The following OTOG variants were observed in gnomAD, a reference collection of about 807,000 sequenced individuals.
OTOG encodes the protein otogelin.
A neutral mutation model predicts 313.8 loss-of-function variants in OTOG; 296 were observed. That is an observed-to-expected ratio of 0.94 (90% CI 0.86 to 1.04). OTOG has a LOEUF of 1.04. OTOG is among the 50% of genes least tolerant of loss of function. The pLI, the probability that OTOG is intolerant of heterozygous loss-of-function variation, is 0.00. For synonymous variants in OTOG, 1,533 were observed against 1,554.9 expected, an observed-to-expected ratio of 0.99 and a Z score of 0.33; for missense variants, 3,948 against 3,840.1, an observed-to-expected ratio of 1.03 and a Z score of -0.74.
In OTOG at chr11:17,558,374, C is replaced by T. The variant is rs528321128; in HGVS notation, c.996+59C>T. The T allele has an allele frequency of 6.6e-5, 101 of 1,540,412 alleles. 1 individual carries two copies. The Middle Eastern group carries it at 8.4e-4, about 13-fold the overall frequency. On this transcript the variant is annotated intron_variant, in intron 9 of 55. Coordinates refer to ENST00000399397, the MANE Select transcript of OTOG (RefSeq NM_001292063.2). ...GAGCCTGACTTGCTATCCAACTCTT[C>T]GAAAGCCACTGGCTGTGGCACCCCA...
chr11:17,570,146 G>A (rs1342311774), intron 16 of OTOG, 67 bp from the exon 17 acceptor site: 42 of 1,334,180 alleles, frequency 3.1e-5, no homozygotes, highest in Admixed American at 1.0e-4. Flanking sequence ...GGCCAGGCAG[G>A]TGGTGGTGGT....
In OTOG at chr11:17,612,623, G is replaced by A. The variant is rs757628662; in HGVS notation, c.6296G>A (p.Arg2099Gln). ...RCCPLWECAC[R>Q]CSIFPDLSFV... ...TTGTGCCCTGCCCCTCCCCCAGGCCGGTGCTCAATCTTCCCTGACCTGAGC... is the reference window on the plus strand; with the variant it reads ...TTGTGCCCTGCCCCTCCCCCAGGCCAGTGCTCAATCTTCCCTGACCTGAGC... The change falls in exon 38 of 56, where the codon CGG becomes CAG. Residue 2099 changes from arginine to glutamine, a missense_variant. Coordinates refer to ENST00000399397, the MANE Select transcript of OTOG (RefSeq NM_001292063.2). 249 of 1,549,776 alleles carry A rather than the reference G, an allele frequency of 1.6e-4. No homozygotes were observed. The highest frequency in any genetic ancestry group is 1.9e-4 in the Non-Finnish European group (222 of 1,146,604).
intron 40 of OTOG, 37 bp downstream of exon 40, chr11:17,629,353 C>A: frequency 6.6e-7 from 1 of 1,520,852 alleles, no homozygotes; most frequent in South Asian, 1.2e-5. Context: ...GGGGATGCTT[C>A]CCAGGTCCAC....
In OTOG at chr11:17,574,857, T is replaced by A; in HGVS notation, c.2431T>A (p.Cys811Ser). ...DLSRDECVEG[C>S]ACPPDTYLDT... ...GAGCAGAGACGAGTGTGTGGAGGGC[T>A]GTGCCTGCCCACCGGACACCTATCT... The change falls in exon 20 of 56, where the codon TGT (cysteine) becomes AGT (serine). Residue 811 changes from cysteine (C) to serine (S), a missense_variant. Physicochemically the swap from Cys to Ser is moderately radical, Grantham distance 112. Coordinates refer to ENST00000399397, the MANE Select transcript of OTOG (RefSeq NM_001292063.2). 6.5e-7 allele frequency: 1 copy of A among 1,546,668 alleles called. No homozygotes were observed.
chr11:17,635,186 C>T lies in OTOG; in HGVS notation c.7692C>T (p.Cys2564=), dbSNP rs767320590. 15 of 1,540,352 alleles carry T rather than the reference C, an allele frequency of 9.7e-6. No individual in the cohort carries two copies. Among genetic ancestry groups the T allele is most frequent in the South Asian group, 1.2e-5 (1 of 83,894 alleles). The change falls in exon 46 of 56, where the codon TGC becomes TGT. Residue 2564 remains cysteine (C), a splice_region_variant and synonymous_variant. Transcript: ENST00000399397. The part of the protein sequence containing the change: ...LGDSCCTSYF[C]ACGDCPDSIP... ...ACTCCTGCTGCACCTCCTACTTCTG[C>T]GGTGGGTCGCCGCCACCAGACGCCA...
chr11:17,630,239 C>T (rs562864853), intron 40 of OTOG, among the ~76,000 whole-genome samples: 2 of 152,254 alleles, frequency 1.3e-5, no homozygotes, highest in South Asian at 4.2e-4. Flanking sequence ...ACACACATGC[C>T]ACCATCCCCA....
chr11:17,603,744 T>C (rs1030711759), intron 32 of OTOG, among the ~76,000 whole-genome samples: 1 of 151,930 alleles, frequency 6.6e-6, no homozygotes, highest in Non-Finnish European at 1.5e-5. Flanking sequence ...ATGGGAAAGA[T>C]GGTTATGCGA....
chr11:17,593,578 G>T (rs1476786546), intron 26 of OTOG, 32 bp from the exon 27 acceptor site: 1 of 1,543,430 alleles, frequency 6.5e-7, no homozygotes, highest in Non-Finnish European at 8.8e-7. Context: ...GGGGGCACTT[G>T]GGCTCAGGAC....
intron 23 of OTOG, among the ~76,000 whole-genome samples, chr11:17,582,429 G>T (rs1399439478): frequency 6.6e-6 from 1 of 152,186 alleles, no homozygotes; most frequent in East Asian, 1.9e-4. Context: ...GGACATTTGG[G>T]TTGTTTTCAG....
rs78811392 is a variant in OTOG, at chr11:17,599,716, C to A, written c.3709+19C>A. On this transcript the variant is annotated intron_variant, in intron 31 of 55. Transcript: ENST00000399397. ...AACAAAGGTAAGCCCCTCCTCCCCA[C>A]GCAGAGTCTCAGGGGCTCAGGCACT... 3 of 1,550,034 alleles carry A rather than the reference C, an allele frequency of 1.9e-6. No homozygotes were observed. The highest frequency in any genetic ancestry group is 2.4e-5 in the East Asian group (1 of 40,900).
intron 6 of OTOG, 145 bp downstream of exon 6, chr11:17,553,664 C>T: frequency 1.3e-6 from 1 of 741,902 alleles, no homozygotes; most frequent in Non-Finnish European, 1.9e-6. Context: ...GCAGTCTGCA[C>T]CTGGAAGGAG....
chr11:17,570,919 G>T (rs975421425), intron 17 of OTOG, among the ~76,000 whole-genome samples: 2 of 152,174 alleles, frequency 1.3e-5, no homozygotes, highest in East Asian at 1.9e-4. Context: ...GTACTTGAAG[G>T]CTCTTGAGTT....
intron 48 of OTOG, 121 bp from the exon 49 acceptor site, chr11:17,639,302 C>A: frequency 9.5e-7 from 1 of 1,054,916 alleles, no homozygotes; most frequent in Non-Finnish European, 1.4e-6. Flanking sequence ...TCTCCCAGGC[C>A]TGGCCTGGAG....
At chr11:17,609,074 A>C in intron 34 of OTOG, 56 bp from the exon 35 acceptor site, 2 of 1,383,316 alleles carry the variant, frequency 1.4e-6, no homozygotes, top group Non-Finnish European at 2.0e-6. Flanking sequence ...CGAGAGAAAA[A>C]GAGATGGCCC....
At chr11:17,572,775 T>G (rs992664914) in intron 18 of OTOG, among the ~76,000 whole-genome samples, 1 of 152,242 alleles carries the variant, frequency 6.6e-6, no homozygotes, top group Non-Finnish European at 1.5e-5. Context: ...ATGCTGCTTC[T>G]TAGCTTTCTC....
intron 28 of OTOG, among the ~76,000 whole-genome samples, chr11:17,594,865 C>T (rs1289135077): frequency 6.6e-6 from 1 of 152,180 alleles, no homozygotes; most frequent in African/African-American, 2.4e-5. Flanking sequence ...ATAGATTTCA[C>T]TTCATGTGAC....
At chr11:17,563,854 G>GTTTTTTTTT (rs61373849) in intron 15 of OTOG, among the ~76,000 whole-genome samples, 2 of 106,628 alleles carry the variant, frequency 1.9e-5, no homozygotes, top group Non-Finnish European at 3.7e-5. Flanking sequence ...CTAGTTTTTG[G>GTTTTTTTTT]TTTTTTTTTT....
intron 47 of OTOG, 119 bp from the exon 48 acceptor site, chr11:17,638,332 A>G: frequency 3.6e-6 from 3 of 844,652 alleles, no homozygotes; most frequent in South Asian, 3.5e-5. Context: ...CTCTGAGGAC[A>G]GTGGGGGTCA....
rs1289956334 is a variant in OTOG at position 17,612,764 on chromosome 11, T to G, written c.6437T>G (p.Leu2146Arg). Residue 2146 changes from leucine to arginine, a missense_variant and splice_region_variant, in exon 38 of 56, where the codon CTG becomes CGG. Transcript: ENST00000399397. Reference protein sequence around the residue: ...VHVLDCKSANLGHLNWPPFCL... With the variant: ...VHVLDCKSANRGHLNWPPFCL... ...GTACTGGACTGCAAAAGTGCCAACC[T>G]GGTGCCTGCCCCATACCTCCCTCCC... The G allele has an allele frequency of 6.5e-7, 1 of 1,550,162 alleles. No individual in the cohort carries two copies. Among genetic ancestry groups the G allele is most frequent in the Admixed American group, 2.0e-5 (1 of 50,968 alleles).
Sources: allele counts gnomAD v4.1 joint callset (sites outside exome capture counted in the v4.1 genomes callset), GRCh38; gene constraint gnomAD v4.1.1; transcripts MANE v1.5; gene names NCBI Gene and HGNC (gene_info 2026-07-23, HGNC 2026-07-21).